Variants in PLCXD2 observed in about 807,000 individuals in gnomAD.
PLCXD2 encodes phosphatidylinositol specific phospholipase C X domain containing 2, also known as PI-PLC X domain-containing protein 2.
A neutral mutation model predicts 28.6 loss-of-function variants in PLCXD2; 21 were observed. The observed-to-expected ratio is 0.73, with a 90% CI of 0.52 to 1.06. The LOEUF (loss-of-function observed/expected upper bound fraction) is 1.06. Ranked by LOEUF, PLCXD2 falls within the 50% of genes least tolerant of loss-of-function variation. The pLI, the probability that PLCXD2 is intolerant of heterozygous loss-of-function variation, is 0.00. For synonymous variants in PLCXD2, 140 were observed against 150.1 expected (o/e 0.93, Z 0.49); for missense variants, 369 against 376.7 (o/e 0.98, Z 0.17).
At chr3:111,700,993 T>C (rs192670526) in intron 1 of PLCXD2, among the ~76,000 whole-genome samples, 75 of 152,326 alleles carry the variant, frequency 4.9e-4, no homozygotes, top group African/African-American at 1.7e-3. Context: ...GTGGTGGCTA[T>C]AGTCAACAGA....
chr3:111,726,457 T>G (rs976847907), intron 3 of PLCXD2: 1 of 152,194 alleles, frequency 6.6e-6, no homozygotes, highest in Admixed American at 6.5e-5. Context: ...TCTTGGTCAA[T>G]TCAGATGATA....
intron 3 of PLCXD2, among the ~76,000 whole-genome samples, chr3:111,718,418 T>C (rs1406287702): frequency 2.0e-5 from 3 of 151,278 alleles, no homozygotes; most frequent in Non-Finnish European, 4.4e-5. Flanking sequence ...TGAGCCAAGA[T>C]CGCGCCTCTG....
At chr3:111,708,517 C>T (rs1173748003) in intron 2 of PLCXD2, 131 bp downstream of exon 2, 6 of 857,586 alleles carry the variant, frequency 7.0e-6, no homozygotes, top group Non-Finnish European at 1.1e-5. Context: ...GAATATTAAA[C>T]ATATGCAAAC....
Position 111,675,366 on chromosome 3 carries a change from C to T in PLCXD2, c.121C>T (p.Pro41Ser), listed in dbSNP as rs61756476. The T allele has an allele frequency of 3.1e-6, 5 of 1,614,060 alleles. No individual in the cohort carries two copies. The highest frequency in any genetic ancestry group is 1.3e-5 in the African/African-American group (1 of 74,920). ...TGCCGACTGGATGGCCTCGCTCCCC[C>T]CTCACCTCCACAACCTCCCCCTTTC... The change falls in exon 1 of 5, where the codon CCT becomes TCT. Residue 41 changes from proline to serine, a missense_variant. Transcript: ENST00000477665.
At position 111,709,531 on chromosome 3, in the gene PLCXD2, C is replaced by T. The variant is rs188479151; in HGVS notation, c.624+1145C>T. 6.6e-4 allele frequency among the ~76,000 whole-genome samples: 101 copies of T among 151,892 alleles called. 1 individual carries two copies. In the South Asian group the frequency reaches 0.011, roughly 17 times the overall value. On this transcript the variant is annotated intron_variant, in intron 2 of 4. Coordinates refer to ENST00000477665, the MANE Select transcript of PLCXD2 (RefSeq NM_001185106.1). The stretch of plus-strand genomic sequence containing the variant: ...AGAAAGTGATAAGAGCTATGGAAAA[C>T]GAAAAGGTCAAGCATGGTGAGAGGG...
chr3:111,682,379 C>T (rs1413493198), intron 1 of PLCXD2, among the ~76,000 whole-genome samples: 1 of 152,152 alleles, frequency 6.6e-6, no homozygotes, highest in African/African-American at 2.4e-5. Flanking sequence ...TACTAAGCAG[C>T]TAAAATTTTC....
At chr3:111,676,736 A>G (rs1359543251) in intron 1 of PLCXD2, 1 of 152,236 alleles carries the variant, frequency 6.6e-6, no homozygotes, top group African/African-American at 2.4e-5. Context: ...CACTTTTAAC[A>G]TTAGTCATTT....
chr3:111,698,942 T>C lies in PLCXD2; in HGVS notation c.164-8984T>C, dbSNP rs148383744. 3.7e-4 allele frequency among the ~76,000 whole-genome samples: 56 copies of C among 152,304 alleles called. No homozygotes were observed. In the East Asian group the frequency reaches 8.5e-3, roughly 23 times the overall value. On this transcript the variant is annotated intron_variant, in intron 1 of 4. Coordinates refer to ENST00000477665, the MANE Select transcript of PLCXD2 (RefSeq NM_001185106.1). Reference sequence around the variant, plus strand: ...TAGAAGAATAAGATTTTTCACTCCCTAAGAACAAATTTTTGCAATGTCAGT... The same window carrying C: ...TAGAAGAATAAGATTTTTCACTCCCCAAGAACAAATTTTTGCAATGTCAGT...
intron 1 of PLCXD2, among the ~76,000 whole-genome samples, chr3:111,683,174 T>G (rs1392833090): frequency 6.6e-6 from 1 of 152,158 alleles, no homozygotes; most frequent in East Asian, 1.9e-4. Flanking sequence ...GAAAGCTTGG[T>G]AGGTTGGACT....
chr3:111,691,583 AG>A (rs1469916593), intron 1 of PLCXD2: 1 of 152,276 alleles, frequency 6.6e-6, no homozygotes, highest in Admixed American at 6.5e-5. Flanking sequence ...CTGCACTGGC[AG>A]GGACCAGGCA....
rs970792162 is a variant in PLCXD2 at position 111,704,839 on chromosome 3, G to C, written c.164-3087G>C. ...ATAATTTTTTTTTTTTTTTGAGACA[G>C]AGTCTAGCCATCTCCCAGGCTGGAG... On this transcript the variant is annotated intron_variant, in intron 1 of 4. Coordinates refer to ENST00000477665, the MANE Select transcript of PLCXD2 (RefSeq NM_001185106.1). Among the ~76,000 whole-genome samples the C allele has an allele frequency of 2.0e-5, 3 of 148,056 alleles. 1 individual carries two copies. Among genetic ancestry groups the C allele is most frequent in the Admixed American group, 1.3e-4 (2 of 14,904 alleles).
chr3:111,688,534 AC>A, intron 1 of PLCXD2, among the ~76,000 whole-genome samples: 1 of 152,368 alleles, frequency 6.6e-6, no homozygotes, highest in Non-Finnish European at 1.5e-5. Flanking sequence ...CTGGTCTTCC[AC>A]ATGGCTGACC....
intron 1 of PLCXD2, among the ~76,000 whole-genome samples, chr3:111,685,830 A>G (rs1169858588): frequency 6.6e-6 from 1 of 152,196 alleles, no homozygotes; most frequent in Non-Finnish European, 1.5e-5. Context: ...TGGAGTAGGG[A>G]TTGGGGTCTA....
At chr3:111,724,107 A>G (rs1941383535) in intron 3 of PLCXD2, 1 of 152,168 alleles carries the variant, frequency 6.6e-6, no homozygotes, top group Non-Finnish European at 1.5e-5. Context: ...CCTTTTAGAG[A>G]GACCACCAGG....
Position 111,708,326 on chromosome 3 carries a change from G to A in PLCXD2, c.564G>A (p.Leu188=), listed in dbSNP as rs1435364587. 3 of 1,614,170 alleles carry A rather than the reference G, an allele frequency of 1.9e-6. No individual in the cohort carries two copies. The highest frequency in any genetic ancestry group is 1.7e-6 in the Non-Finnish European group (2 of 1,180,026). ...TCCAGGAGGCCTTTGGAAACAAGCT[G>A]TGCCCAGCCTGCAGTGTGGAAAGTT... Residue 188 remains leucine (L), a synonymous_variant, in exon 2 of 5, where the codon CTG becomes CTA. Transcript: ENST00000477665.
intron 2 of PLCXD2, among the ~76,000 whole-genome samples, chr3:111,709,613 A>G (rs1941172412): frequency 6.6e-6 from 1 of 152,132 alleles, no homozygotes; most frequent in Non-Finnish European, 1.5e-5. Flanking sequence ...TGATCAGGAG[A>G]GGCTTCATTG....
At position 111,714,087 on chromosome 3, in the gene PLCXD2, C is replaced by T; in HGVS notation, c.825C>T (p.Ala275=). Residue 275 remains alanine (A), a synonymous_variant, in exon 3 of 5, where the codon GCC becomes GCT. Transcript: ENST00000477665. ...TCACCCCCAGAGTGAAGACCATTGCCCGGGGCTTGGTTGGGGGCCTCAAGA... is the reference window on the plus strand; with the variant it reads ...TCACCCCCAGAGTGAAGACCATTGCTCGGGGCTTGGTTGGGGGCCTCAAGA... The T allele has an allele frequency of 6.2e-7, 1 of 1,614,100 alleles. No homozygotes were observed. Among genetic ancestry groups the T allele is most frequent in the Non-Finnish European group, 8.5e-7 (1 of 1,180,034 alleles).
At chr3:111,706,330 C>T (rs1193034863) in intron 1 of PLCXD2, among the ~76,000 whole-genome samples, 7 of 152,208 alleles carry the variant, frequency 4.6e-5, no homozygotes, top group Non-Finnish European at 8.8e-5. Flanking sequence ...GTTGTCTTTT[C>T]GCTCTTGATT....
In PLCXD2 at chr3:111,714,457, C is replaced by T. The variant is rs111738628; in HGVS notation, c.866+329C>T. Among the ~76,000 whole-genome samples the T allele has an allele frequency of 1.1e-3, 175 of 152,304 alleles. 2 individuals carry two copies. The highest frequency in any genetic ancestry group is 3.8e-3 in the African/African-American group (156 of 41,570). Reference sequence around the variant, plus strand: ...GGTCCTGCCTGTGCCTCGCAGCTGACCCAGGCACTCATTTAAGAAGCATTC... The same window carrying T: ...GGTCCTGCCTGTGCCTCGCAGCTGATCCAGGCACTCATTTAAGAAGCATTC... On this transcript the variant is annotated intron_variant, in intron 3 of 4. Coordinates refer to ENST00000477665, the MANE Select transcript of PLCXD2 (RefSeq NM_001185106.1).
Sources: gnomAD v4.1 joint callset for allele counts (sites outside exome capture counted in the v4.1 genomes callset) on GRCh38, gnomAD v4.1.1 for gene constraint, MANE v1.5 for transcripts, NCBI Gene and HGNC (gene_info 2026-07-23, HGNC 2026-07-21) for gene names.